Variants in ANAPC1 observed in about 807,000 individuals in gnomAD.
ANAPC1 encodes anaphase promoting complex subunit 1.
A neutral mutation model predicts 208.0 loss-of-function variants in ANAPC1; 36 were observed. The observed-to-expected ratio is 0.17, with a 90% CI of 0.13 to 0.23. ANAPC1 has a LOEUF of 0.23. ANAPC1 is among the 10% of genes least tolerant of loss of function. The pLI, the probability that ANAPC1 is intolerant of heterozygous loss-of-function variation, is 1.00. For synonymous variants in ANAPC1, 378 were observed against 695.2 expected, an observed-to-expected ratio of 0.54 and a Z score of 7.18; for missense variants, 942 against 2,011.6, an observed-to-expected ratio of 0.47 and a Z score of 10.17.
chr2:111,793,977 A>G, intron 37 of ANAPC1, 101 bp downstream of exon 37: 1 of 739,098 alleles, frequency 1.4e-6, no homozygotes, highest in Non-Finnish European at 2.0e-6. Context: ...CTACATTTAA[A>G]AAAACAGCAG....
At chr2:111,846,781 G>T (rs1055148803) in intron 16 of ANAPC1, among the ~76,000 whole-genome samples, 1 of 151,652 alleles carries the variant, frequency 6.6e-6, no homozygotes, top group Non-Finnish European at 1.5e-5. Context: ...TGTTGGCCAG[G>T]CTAGTCTCAA....
chr2:111,846,942 C>G (rs1021070251), intron 16 of ANAPC1, among the ~76,000 whole-genome samples, 196 bp downstream of exon 16: 36 of 152,102 alleles, frequency 2.4e-4, no homozygotes, highest in African/African-American at 8.2e-4. Flanking sequence ...ACTAGCACAT[C>G]CTTCACCTGT....
In ANAPC1 at chr2:111,867,425, T is replaced by C. The variant is rs142934641; in HGVS notation, c.685+598A>G. Among the ~76,000 whole-genome samples the C allele has an allele frequency of 7.7e-3, 1,156 of 149,616 alleles. 10 individuals carry two copies. Among genetic ancestry groups the C allele is most frequent in the Non-Finnish European group, 0.01 (681 of 67,230 alleles). ...ATAAAAAGCAGCTAGGCACGGTGGC[T>C]CACCCCTGTAATCTCAGAACTTTGG... On this transcript the variant is annotated intron_variant, in intron 7 of 47. Transcript: ENST00000341068.
At chr2:111,844,753 A>G (rs904881815) in intron 16 of ANAPC1, among the ~76,000 whole-genome samples, 22 of 152,204 alleles carry the variant, frequency 1.4e-4, no homozygotes, top group African/African-American at 5.3e-4. Context: ...CCAAAGCTTT[A>G]TAACTTTATT....
In ANAPC1 at chr2:111,782,360, T is replaced by G; in HGVS notation, c.5202+9A>C. 1 of 1,613,144 alleles carries G rather than the reference T, an allele frequency of 6.2e-7. No individual in the cohort carries two copies. The highest frequency in any genetic ancestry group is 1.1e-5 in the South Asian group (1 of 91,026). On this transcript the variant is annotated intron_variant, in intron 43 of 47. Coordinates refer to ENST00000341068, the MANE Select transcript of ANAPC1 (RefSeq NM_022662.4). ...ATTTCTTTCCGTTTTTACCAATCAA[T>G]AATACTACCTTGAAAGCCCGGGCTT... is the stretch of plus-strand genomic sequence containing the variant.
At chr2:111,823,854 G>T (rs1211765929) in intron 24 of ANAPC1, among the ~76,000 whole-genome samples, 1 of 150,830 alleles carries the variant, frequency 6.6e-6, no homozygotes, top group Non-Finnish European at 1.5e-5. Context: ...GAACAGATAT[G>T]TAAGGGCCTT....
intron 39 of ANAPC1, among the ~76,000 whole-genome samples, chr2:111,787,859 A>G (rs545998162): frequency 7.7e-5 from 11 of 142,876 alleles, no homozygotes; most frequent in Non-Finnish European, 1.7e-4. Context: ...CATTGCCACT[A>G]AATCAGACAA....
At chr2:111,855,973 C>T (rs1353036291) in intron 13 of ANAPC1, among the ~76,000 whole-genome samples, 2 of 152,146 alleles carry the variant, frequency 1.3e-5, no homozygotes, top group Non-Finnish European at 2.9e-5. Context: ...CGGTGGCTCA[C>T]GCCTGTAATC....
chr2:111,883,759 C>T (rs1683456688), intron 1 of ANAPC1, among the ~76,000 whole-genome samples, 183 bp downstream of exon 1: 1 of 152,204 alleles, frequency 6.6e-6, no homozygotes, highest in African/African-American at 2.4e-5. Context: ...AGCACCCCAG[C>T]CCGCAGGCCA....
intron 2 of ANAPC1, among the ~76,000 whole-genome samples, chr2:111,879,777 C>G (rs1456230220): frequency 1.3e-5 from 2 of 151,970 alleles, no homozygotes; most frequent in Non-Finnish European, 2.9e-5. Context: ...GAGGCTGAGG[C>G]AGGAGAATCA....
At chr2:111,857,293 G>GA (rs1681786081) in intron 11 of ANAPC1, among the ~76,000 whole-genome samples, 1 of 113,242 alleles carries the variant, frequency 8.8e-6, no homozygotes. Context: ...GGTTACCTGT[G>GA]AGGGAAAAAG....
At chr2:111,840,646 T>A (rs897175409) in intron 17 of ANAPC1, among the ~76,000 whole-genome samples, 2 of 152,188 alleles carry the variant, frequency 1.3e-5, no homozygotes. Flanking sequence ...CTGACGCGTT[T>A]TTTCATAATG....
Position 111,843,576 on chromosome 2 carries a change from T to G in ANAPC1, c.1876A>C (p.Lys626Gln). ...GCTATTTCTTTTGGCAGGATAAACT[T>G]AATTGCTTGCAAACACGTTTGTACT... ...ELVQTCLQAI[K>Q]FILPKEIAVQ... The change falls in exon 17 of 48, where the codon AAG (lysine) becomes CAG (glutamine). Residue 626 changes from lysine to glutamine, a missense_variant. Lys to Gln is a moderately conservative substitution (Grantham distance 53, BLOSUM62 1). Coordinates refer to ENST00000341068, the MANE Select transcript of ANAPC1 (RefSeq NM_022662.4). 1 of 1,611,702 alleles carries G rather than the reference T, an allele frequency of 6.2e-7. No individual in the cohort carries two copies. Among genetic ancestry groups the G allele is most frequent in the Non-Finnish European group, 8.5e-7 (1 of 1,179,664 alleles).
chr2:111,832,305 G>GA (rs11431305), intron 20 of ANAPC1, among the ~76,000 whole-genome samples: 26,842 of 76,932 alleles, frequency 0.35, 3,089 homozygotes, highest in Middle Eastern at 0.5. Context: ...CCTGTCTCAA[G>GA]AAAAAAAAAA....
intron 42 of ANAPC1, among the ~76,000 whole-genome samples, chr2:111,782,932 G>GA (rs1257849452): frequency 2.0e-5 from 3 of 152,096 alleles, no homozygotes; most frequent in Non-Finnish European, 4.4e-5. Flanking sequence ...ATACAGTCTG[G>GA]AAAAAATCAC....
rs572110317 is a variant in ANAPC1 at position 111,792,901 on chromosome 2, C to T, written c.4519-346G>A. Among the ~76,000 whole-genome samples, 334 of 152,078 alleles carry T rather than the reference C, an allele frequency of 2.2e-3. 2 individuals carry two copies. The highest frequency in any genetic ancestry group is 0.014 in the Middle Eastern group (4 of 294). Reference sequence around the variant, plus strand: ...CCGGGGTGCGGAGCTCGCAGTGAGCCGAGATCGCGCCACTGCACTCCAGCC... The same window carrying T: ...CCGGGGTGCGGAGCTCGCAGTGAGCTGAGATCGCGCCACTGCACTCCAGCC... On this transcript the variant is annotated intron_variant, in intron 37 of 47. Transcript: ENST00000341068.
intron 21 of ANAPC1, among the ~76,000 whole-genome samples, chr2:111,826,669 T>TGTA (rs1679852410): frequency 1.5e-5 from 2 of 134,110 alleles, no homozygotes; most frequent in Non-Finnish European, 3.0e-5. Flanking sequence ...TTATTTATTT[T>TGTA]TTTTTTTTTT....
chr2:111,877,942 A>C (rs1683103900), intron 3 of ANAPC1, among the ~76,000 whole-genome samples: 1 of 152,172 alleles, frequency 6.6e-6, no homozygotes, highest in African/African-American at 2.4e-5. Context: ...ATTTTTGGGA[A>C]GAAAACTTAG....
rs191389618 is a variant in ANAPC1, at chr2:111,857,386, G to T, written c.1359-500C>A. On this transcript the variant is annotated intron_variant, in intron 11 of 47. Transcript: ENST00000341068. The stretch of plus-strand genomic sequence containing the variant: ...TTCAAAATATGAAGGTAAATAAATG[G>T]GCAAAAGATCTGAATAGCTATTTTA... 7.1e-4 allele frequency among the ~76,000 whole-genome samples: 108 copies of T among 152,128 alleles called. 1 individual carries two copies. Among genetic ancestry groups the T allele is most frequent in the Non-Finnish European group, 1.3e-3 (86 of 67,994 alleles).
Sources: gnomAD v4.1 joint callset for allele counts (sites outside exome capture counted in the v4.1 genomes callset) on GRCh38, gnomAD v4.1.1 for gene constraint, MANE v1.5 for transcripts, NCBI Gene and HGNC (gene_info 2026-07-23, HGNC 2026-07-21) for gene names.